SLC16A12: variants seen among roughly 807,000 people sequenced by gnomAD.
SLC16A12 encodes the protein solute carrier family 16 member 12, also known as monocarboxylate transporter 12.
In SLC16A12, 17 loss-of-function variants were observed where a neutral mutation model predicts 42.4. The ratio of observed to expected loss-of-function variants is 0.40; its 90% CI spans 0.27 to 0.60. The LOEUF is 0.60. Among genes scored for constraint, SLC16A12 ranks in the 20% least tolerant of loss-of-function variants. The pLI, the probability that SLC16A12 is intolerant of heterozygous loss-of-function variation, is 0.42. For missense variants in SLC16A12, 544 were observed against 623.0 expected (o/e 0.87, Z 1.35); for synonymous variants, 224 against 229.4 (o/e 0.98, Z 0.21).
intron 2 of SLC16A12, among the ~76,000 whole-genome samples, chr10:89,532,407 G>A (rs1329792238): frequency 6.6e-6 from 1 of 152,182 alleles, no homozygotes. Context: ...GACACTTTCT[G>A]ATGTCCTTTG....
chr10:89,462,925 G>A (rs897938976), intron 2 of SLC16A12: 3 of 222,612 alleles, frequency 1.3e-5, no homozygotes, highest in African/African-American at 7.0e-5. Flanking sequence ...GATGTGAGCA[G>A]AAGTCATGTG....
At chr10:89,535,050 G>C (rs757011619) in intron 1 of SLC16A12, among the ~76,000 whole-genome samples, 1 of 152,088 alleles carries the variant, frequency 6.6e-6, no homozygotes, top group Non-Finnish European at 1.5e-5. Flanking sequence ...TAGCACACAC[G>C]GGAAATAAAT....
intron 2 of SLC16A12, among the ~76,000 whole-genome samples, chr10:89,554,017 A>G (rs7478547): frequency 2.0e-5 from 3 of 148,390 alleles, no homozygotes; most frequent in African/African-American, 7.6e-5. Flanking sequence ...AGAAAGAGAG[A>G]AAGAAAGAGA....
At chr10:89,530,455 TTG>T (rs1843527781) in intron 2 of SLC16A12, among the ~76,000 whole-genome samples, 1 of 151,984 alleles carries the variant, frequency 6.6e-6, no homozygotes, top group South Asian at 2.1e-4. Context: ...TCTCGCTCTG[TTG>T]CCCAGGCTGG....
chr10:89,436,902 AAG>A (rs1285123603), intron 6 of SLC16A12, among the ~76,000 whole-genome samples: 19 of 149,874 alleles, frequency 1.3e-4, no homozygotes, highest in African/African-American at 3.7e-4. Flanking sequence ...GAAAGAAAGA[AAG>A]AAAGAAAGAA....
At chr10:89,537,874 ATGT>A (rs1218258402), upstream of SLC16A12, among the ~76,000 whole-genome samples, 4 of 152,180 alleles carry the variant, frequency 2.6e-5, no homozygotes, top group Admixed American at 6.5e-5. Flanking sequence ...TGTGTCACTG[ATGT>A]TGTTGTTTCA....
intron 2 of SLC16A12, among the ~76,000 whole-genome samples, chr10:89,472,094 G>A (rs1842503750): frequency 6.6e-6 from 1 of 152,068 alleles, no homozygotes; most frequent in Admixed American, 6.5e-5. Flanking sequence ...AATTAGTGGT[G>A]TATTTTGAAG....
chr10:89,463,977 G>A (rs554335030), intron 2 of SLC16A12, among the ~76,000 whole-genome samples: 9 of 152,176 alleles, frequency 5.9e-5, no homozygotes, highest in South Asian at 4.1e-4. Flanking sequence ...ACAGAATATG[G>A]CACCTGTGAT....
intron 2 of SLC16A12, among the ~76,000 whole-genome samples, chr10:89,504,548 G>A (rs954371500): frequency 1.3e-5 from 2 of 152,094 alleles, no homozygotes; most frequent in Non-Finnish European, 2.9e-5. Context: ...TGGTACATAC[G>A]GAACCATTAT....
chr10:89,538,305 G>C (rs1210533905), upstream of SLC16A12, among the ~76,000 whole-genome samples: 1 of 152,220 alleles, frequency 6.6e-6, no homozygotes, highest in Non-Finnish European at 1.5e-5. Context: ...AATGTGCTAT[G>C]TTTGCACAGT....
At chr10:89,519,146 A>G (rs1014548363) in intron 2 of SLC16A12, among the ~76,000 whole-genome samples, 2 of 152,124 alleles carry the variant, frequency 1.3e-5, no homozygotes, top group African/African-American at 4.8e-5. Flanking sequence ...CACTTTCACT[A>G]CAACTCCAAA....
chr10:89,445,597 T>C (rs1453856254), intron 3 of SLC16A12, among the ~76,000 whole-genome samples: 3 of 152,148 alleles, frequency 2.0e-5, no homozygotes, highest in Non-Finnish European at 4.4e-5. Context: ...ACCCCATCTG[T>C]AGGTCACTAA....
chr10:89,440,476 A>C (rs1201686399), intron 5 of SLC16A12, among the ~76,000 whole-genome samples: 7 of 152,230 alleles, frequency 4.6e-5, no homozygotes, highest in Non-Finnish European at 1.0e-4. Flanking sequence ...ATGCCCAGAC[A>C]GGAGTTGGCG....
intron 3 of SLC16A12, among the ~76,000 whole-genome samples, chr10:89,455,376 TTAGATGACTTAA>T (rs1842172618): frequency 6.6e-6 from 1 of 152,218 alleles, no homozygotes; most frequent in African/African-American, 2.4e-5. Context: ...GCTGGTTTTC[TTAGATGACTTAA>T]TCAGTCATAT....
chr10:89,458,446 T>C (rs2133735368), intron 3 of SLC16A12, among the ~76,000 whole-genome samples: 2 of 152,320 alleles, frequency 1.3e-5, no homozygotes, highest in Admixed American at 1.3e-4. Flanking sequence ...TCTTTTTTGG[T>C]GTACAGAGGA....
chr10:89,548,667 T>A (rs1298875953), intron 2 of SLC16A12, among the ~76,000 whole-genome samples: 2 of 151,908 alleles, frequency 1.3e-5, no homozygotes, highest in African/African-American at 4.8e-5. Context: ...AATACAAAAA[T>A]TAGCCGGGTG....
intron 1 of SLC16A12, among the ~76,000 whole-genome samples, chr10:89,534,948 A>T (rs1843628276): frequency 6.6e-6 from 1 of 152,200 alleles, no homozygotes. Flanking sequence ...CGCTTTTCCG[A>T]GTCCACAATA....
chr10:89,536,262 G>A (rs1448439148), upstream of SLC16A12, among the ~76,000 whole-genome samples: 1 of 152,122 alleles, frequency 6.6e-6, no homozygotes, highest in Non-Finnish European at 1.5e-5. Flanking sequence ...GCAGGGATCC[G>A]GACCCTGCTA....
intron 2 of SLC16A12, among the ~76,000 whole-genome samples, chr10:89,484,880 C>T (rs74477049): frequency 0.031 from 4,718 of 152,232 alleles, 158 homozygotes; most frequent in African/African-American, 0.074. Context: ...GTGACAGCCA[C>T]GTTTGTGCTA....
Sources: allele counts gnomAD v4.1 joint callset (sites outside exome capture counted in the v4.1 genomes callset), GRCh38; gene constraint gnomAD v4.1.1; transcripts MANE v1.5; gene names NCBI Gene and HGNC (gene_info 2026-07-23, HGNC 2026-07-21).